The following CFAP90 variants were observed in gnomAD, a reference collection of about 807,000 sequenced individuals.
CFAP90 encodes the protein cilia- and flagella-associated protein 90.
At chr5:7,830,771 A>C in the CFAP90 span, 5 of 152,226 alleles carry the variant, frequency 3.3e-5, no homozygotes, top group African/African-American at 9.6e-5. Flanking sequence ...AACTGTGGGA[A>C]ATTTAATCAT....
At chr5:7,835,060 T>A in the CFAP90 span, among the ~76,000 whole-genome samples, 42 of 152,228 alleles carry the variant, frequency 2.8e-4, no homozygotes, top group African/African-American at 9.6e-4. Context: ...GTTTTGGTGT[T>A]CCAGTGCATA....
the CFAP90 span, chr5:7,835,325 C>G: frequency 1.8e-5 from 17 of 919,880 alleles, no homozygotes; most frequent in Non-Finnish European, 2.7e-5. Flanking sequence ...CTAGATATGC[C>G]TCTATAAAGT....
chr5:7,847,945 A>G, the CFAP90 span, among the ~76,000 whole-genome samples: 1 of 152,192 alleles, frequency 6.6e-6, no homozygotes, highest in African/African-American at 2.4e-5. Flanking sequence ...CAATGTTTTT[A>G]TTCTGTCCAA....
the CFAP90 span, among the ~76,000 whole-genome samples, chr5:7,847,243 G>A: frequency 1.1e-4 from 16 of 152,170 alleles, no homozygotes; most frequent in East Asian, 5.8e-4. Flanking sequence ...TTGTTGTTTC[G>A]AGGCTGTTTT....
chr5:7,844,240 T>G, the CFAP90 span, among the ~76,000 whole-genome samples: 3 of 152,092 alleles, frequency 2.0e-5, no homozygotes, highest in East Asian at 5.8e-4. Flanking sequence ...ACTAGAGAAG[T>G]AGAGAAGAAA....
chr5:7,846,868 T>C, the CFAP90 span, among the ~76,000 whole-genome samples: 1 of 152,114 alleles, frequency 6.6e-6, no homozygotes, highest in Non-Finnish European at 1.5e-5. Context: ...TGCCTCAGCC[T>C]CCCGAGTAGC....
At chr5:7,840,327 T>C in the CFAP90 span, among the ~76,000 whole-genome samples, 2 of 152,138 alleles carry the variant, frequency 1.3e-5, no homozygotes, top group Non-Finnish European at 2.9e-5. Context: ...GCAGATGCTG[T>C]GGGTAGAGTG....
chr5:7,834,131 T>C, the CFAP90 span, among the ~76,000 whole-genome samples: 2 of 152,080 alleles, frequency 1.3e-5, no homozygotes, highest in African/African-American at 4.8e-5. Flanking sequence ...AGAGAAGACA[T>C]TGTTAGCCTA....
At chr5:7,830,858 G>A in the CFAP90 span, 7 of 152,256 alleles carry the variant, frequency 4.6e-5, no homozygotes, top group Admixed American at 3.9e-4. Context: ...ACTTGGGTAA[G>A]TTTCAAATTA....
the CFAP90 span, among the ~76,000 whole-genome samples, chr5:7,846,782 T>G: frequency 3.5e-4 from 54 of 152,190 alleles, no homozygotes; most frequent in Non-Finnish European, 7.5e-4. Context: ...AGTCTCACTC[T>G]GTCACCCAGA....
chr5:7,850,772 G>A, the CFAP90 span: 6 of 1,040,310 alleles, frequency 5.8e-6, no homozygotes, highest in African/African-American at 1.1e-4. Context: ...GCCCCTCCGC[G>A]GCCGCCCGCC....
the CFAP90 span, among the ~76,000 whole-genome samples, chr5:7,833,021 C>A: frequency 6.6e-6 from 1 of 152,298 alleles, no homozygotes; most frequent in African/African-American, 2.4e-5. Flanking sequence ...ATTATGAAAG[C>A]CAGGACTCAG....
the CFAP90 span, among the ~76,000 whole-genome samples, chr5:7,839,517 T>C: frequency 6.6e-6 from 1 of 152,266 alleles, no homozygotes; most frequent in African/African-American, 2.4e-5. Flanking sequence ...GCAATTACTG[T>C]TATCAGAATG....
At chr5:7,839,181 C>T in the CFAP90 span, among the ~76,000 whole-genome samples, 1 of 152,110 alleles carries the variant, frequency 6.6e-6, no homozygotes, top group African/African-American at 2.4e-5. Context: ...CAGGAAAGAC[C>T]CACCCCAATA....
the CFAP90 span, chr5:7,831,950 C>G: frequency 1.2e-6 from 2 of 1,614,128 alleles, no homozygotes; most frequent in Non-Finnish European, 1.7e-6. Context: ...GCCAAAGTCC[C>G]GGTTTAGGGG....
chr5:7,840,132 T>TA, the CFAP90 span, among the ~76,000 whole-genome samples: 17 of 151,426 alleles, frequency 1.1e-4, 1 homozygote, highest in South Asian at 2.1e-4. Context: ...GATGTTCCTT[T>TA]AAAAAAAAAG....
chr5:7,833,617 ACATG>A, the CFAP90 span, among the ~76,000 whole-genome samples: 1,240 of 152,338 alleles, frequency 8.1e-3, 14 homozygotes, highest in Middle Eastern at 0.024. Flanking sequence ...ATCTGTACAT[ACATG>A]TACACACATA....
At chr5:7,848,352 G>A in the CFAP90 span, among the ~76,000 whole-genome samples, 2 of 152,064 alleles carry the variant, frequency 1.3e-5, no homozygotes, top group Non-Finnish European at 2.9e-5. Flanking sequence ...CTTGCATATT[G>A]CTCAAAGCCA....
At chr5:7,837,832 C>T in the CFAP90 span, among the ~76,000 whole-genome samples, 5 of 152,166 alleles carry the variant, frequency 3.3e-5, no homozygotes, top group African/African-American at 7.2e-5. Flanking sequence ...CCAGCCACTG[C>T]GGGATCCTGG....
Sources: allele counts gnomAD v4.1 joint callset (sites outside exome capture counted in the v4.1 genomes callset), GRCh38; gene constraint gnomAD v4.1.1; transcripts MANE v1.5; gene names NCBI Gene and HGNC (gene_info 2026-07-23, HGNC 2026-07-21).